ZNF366: variants seen among roughly 807,000 people sequenced by gnomAD.
The protein encoded by ZNF366 is dendritic cell-specific transcript protein.
In ZNF366, 20 loss-of-function variants were observed where a neutral mutation model predicts 47.2. The observed-to-expected ratio is 0.42, with a 90% CI of 0.30 to 0.62. The LOEUF is 0.62. Among genes scored for constraint, ZNF366 ranks in the 20% least tolerant of loss-of-function variants. The probability of loss-of-function intolerance (pLI) is 0.16; values close to 1 mark genes in which losing one functional copy is unlikely to be tolerated. For missense variants in ZNF366, 987 were observed against 976.3 expected (o/e 1.01, Z -0.15); for synonymous variants, 421 against 395.1 (o/e 1.07, Z -0.78).
intron 1 of ZNF366, among the ~76,000 whole-genome samples, chr5:72,484,015 C>T (rs1743838898): frequency 6.6e-6 from 1 of 152,046 alleles, no homozygotes; most frequent in African/African-American, 2.4e-5. Flanking sequence ...AATTCATGAC[C>T]AATCTCATTT....
intron 3 of ZNF366, among the ~76,000 whole-genome samples, chr5:72,454,497 G>A (rs1743141050): frequency 6.6e-6 from 1 of 152,168 alleles, no homozygotes; most frequent in Non-Finnish European, 1.5e-5. Context: ...CTATATTTCA[G>A]GAACGTTTTC....
At chr5:72,466,467 T>C (rs767067630) in intron 1 of ZNF366, among the ~76,000 whole-genome samples, 13 of 152,326 alleles carry the variant, frequency 8.5e-5, no homozygotes, top group Non-Finnish European at 1.6e-4. Context: ...GAGGACCTGT[T>C]TGTCAAACCC....
intron 1 of ZNF366, among the ~76,000 whole-genome samples, chr5:72,484,052 C>T (rs1212950213): frequency 1.3e-5 from 2 of 152,198 alleles, no homozygotes; most frequent in African/African-American, 4.8e-5. Flanking sequence ...ACTTTCCCCA[C>T]CTTCCGACTG....
chr5:72,498,920 A>C (rs1379376118), intron 1 of ZNF366, among the ~76,000 whole-genome samples: 1 of 152,230 alleles, frequency 6.6e-6, no homozygotes, highest in Non-Finnish European at 1.5e-5. Context: ...TCTCACCATT[A>C]AATGTCCTTC....
At chr5:72,499,844 C>A (rs1485218230) in intron 1 of ZNF366, among the ~76,000 whole-genome samples, 1 of 152,174 alleles carries the variant, frequency 6.6e-6, no homozygotes, top group African/African-American at 2.4e-5. Context: ...GCCTCAGTCA[C>A]GGGAGAGATG....
rs531086893 is a variant in ZNF366 at position 72,442,466 on chromosome 5, T to C, written c.*1290A>G. On this transcript the variant is annotated 3_prime_UTR_variant, in exon 5 of 5. Coordinates refer to ENST00000318442, the MANE Select transcript of ZNF366 (RefSeq NM_152625.3). ...TAAAGGTCACCCCAGATGCTTCTAA[T>C]GTACAGCCAGCACTGAAAACACAGT... 4 of 152,214 alleles carry C rather than the reference T, an allele frequency of 2.6e-5. No individual in the cohort carries two copies. Among genetic ancestry groups the C allele is most frequent in the Middle Eastern group, 3.4e-3 (1 of 294 alleles). 9.4% of individuals were successfully genotyped at this position (152,214 alleles called of 1,614,324 possible).
chr5:72,446,238 G>A (rs145104361), intron 4 of ZNF366, among the ~76,000 whole-genome samples: 1 of 152,356 alleles, frequency 6.6e-6, no homozygotes, highest in African/African-American at 2.4e-5. Flanking sequence ...TATATAAAAT[G>A]AGAATAACAC....
Position 72,444,150 on chromosome 5 carries a change from C to T in ZNF366, c.1841G>A (p.Ser614Asn). 1 of 1,613,730 alleles carries T rather than the reference C, an allele frequency of 6.2e-7. No homozygotes were observed. Among genetic ancestry groups the T allele is most frequent in the Non-Finnish European group, 8.5e-7 (1 of 1,180,038 alleles). The change falls in exon 5 of 5, where the codon AGC (serine) becomes AAC (asparagine). Residue 614 changes from serine (S) to asparagine (N), a missense_variant. Coordinates refer to ENST00000318442, the MANE Select transcript of ZNF366 (RefSeq NM_152625.3). Reference protein sequence around the residue: ...FQSDGESAQGSHCHEEEEEDN... With the variant: ...FQSDGESAQGNHCHEEEEEDN... ...CTCCTCTTCCTCCTCGTGGCAGTGG[C>T]TGCCCTGGGCACTCTCCCCGTCTGA...
intron 4 of ZNF366, among the ~76,000 whole-genome samples, chr5:72,444,599 A>C (rs1237673967): frequency 7.0e-6 from 1 of 142,430 alleles, no homozygotes; most frequent in East Asian, 1.9e-4. Context: ...GTGTGGATGC[A>C]TATCACCATA....
chr5:72,461,368 G>A lies in ZNF366; in HGVS notation c.129C>T (p.Pro43=), dbSNP rs1561194366. ...ATGGCCCTCGGAGAGCTTCCGGGAAGGGGTGTCTTTGGGGAGCCTTTCCCC... is the reference window on the plus strand; with the variant it reads ...ATGGCCCTCGGAGAGCTTCCGGGAAAGGGTGTCTTTGGGGAGCCTTTCCCC... The part of the protein sequence containing the change: ...ASRGKAPQRH[P]FPEALRGPFS... The change falls in exon 2 of 5, where the codon CCC becomes CCT. Residue 43 remains proline, a synonymous_variant. Coordinates refer to ENST00000318442, the MANE Select transcript of ZNF366 (RefSeq NM_152625.3). 2 of 1,614,060 alleles carry A rather than the reference G, an allele frequency of 1.2e-6. No homozygotes were observed. Among genetic ancestry groups the A allele is most frequent in the Non-Finnish European group, 8.5e-7 (1 of 1,179,974 alleles).
chr5:72,472,438 T>G (rs1743586212), intron 1 of ZNF366: 1 of 339,812 alleles, frequency 2.9e-6, no homozygotes. Flanking sequence ...ATGTGAAGGA[T>G]GAGAGAAAAA....
At chr5:72,474,589 TA>T (rs1743634706) in intron 1 of ZNF366, among the ~76,000 whole-genome samples, 1 of 152,172 alleles carries the variant, frequency 6.6e-6, no homozygotes, top group African/African-American at 2.4e-5. Flanking sequence ...TTAATTTTTT[TA>T]ATAAGATTTC....
In ZNF366 at chr5:72,449,462, C is replaced by A. The variant is rs564695810; in HGVS notation, c.1525-2045G>T. Among the ~76,000 whole-genome samples the A allele has an allele frequency of 1.8e-4, 28 of 152,320 alleles. No homozygotes were observed. The East Asian group carries it at 5.0e-3, about 27-fold the overall frequency. On this transcript the variant is annotated intron_variant, in intron 3 of 4. Coordinates refer to ENST00000318442, the MANE Select transcript of ZNF366 (RefSeq NM_152625.3). ...ATGTTGGCCAGGCCGGTCCCAAACT[C>A]CTGACCTCAAGTGATCCATCCGCCT...
At chr5:72,485,796 C>A (rs1368962772) in intron 1 of ZNF366, among the ~76,000 whole-genome samples, 1 of 152,170 alleles carries the variant, frequency 6.6e-6, no homozygotes, top group African/African-American at 2.4e-5. Flanking sequence ...CCTATGATCT[C>A]ATGCCCTACC....
chr5:72,446,797 A>G (rs1202666874), intron 4 of ZNF366, among the ~76,000 whole-genome samples: 4 of 152,256 alleles, frequency 2.6e-5, no homozygotes, highest in African/African-American at 7.2e-5. Context: ...CAGCAAAGTC[A>G]TGAAGAGGAT....
chr5:72,503,145 A>G (rs1353739072), intron 1 of ZNF366, among the ~76,000 whole-genome samples: 1 of 152,162 alleles, frequency 6.6e-6, no homozygotes, highest in Admixed American at 6.5e-5. Flanking sequence ...TGCTATTTAT[A>G]TTGATTTATA....
intron 3 of ZNF366, among the ~76,000 whole-genome samples, chr5:72,454,139 C>T (rs936087283): frequency 6.6e-6 from 1 of 152,192 alleles, no homozygotes; most frequent in Non-Finnish European, 1.5e-5. Flanking sequence ...AGACATGGAG[C>T]CTCATCTAAC....
At chr5:72,453,296 C>T (rs746112845) in intron 3 of ZNF366, among the ~76,000 whole-genome samples, 8 of 152,190 alleles carry the variant, frequency 5.3e-5, no homozygotes, top group Admixed American at 1.3e-4. Flanking sequence ...GGAGAGAGAA[C>T]GAAGACTGCC....
intron 1 of ZNF366, among the ~76,000 whole-genome samples, chr5:72,479,799 C>T (rs181822722): frequency 2.0e-5 from 3 of 152,246 alleles, no homozygotes; most frequent in Admixed American, 2.0e-4. Context: ...TGTGTAATCT[C>T]TATATAAACA....
Sources: allele counts gnomAD v4.1 joint callset (sites outside exome capture counted in the v4.1 genomes callset), GRCh38; gene constraint gnomAD v4.1.1; transcripts MANE v1.5; gene names NCBI Gene and HGNC (gene_info 2026-07-23, HGNC 2026-07-21).